The following USH2A variants were observed in gnomAD, a reference collection of about 807,000 sequenced individuals.
The protein encoded by USH2A is Usher syndrome 2A (autosomal recessive, mild).
USH2A carries 443 observed loss-of-function variants against 538.9 expected under a neutral mutation model. That is an observed-to-expected ratio of 0.82 (90% CI 0.76 to 0.89). The LOEUF (loss-of-function observed/expected upper bound fraction) is 0.89, where lower values mean the gene tolerates loss of function less well. USH2A is among the 40% of genes least tolerant of loss of function. The pLI, the probability that USH2A is intolerant of heterozygous loss-of-function variation, is 0.00. For synonymous variants in USH2A, 2,413 were observed against 2,273.5 expected (o/e 1.06, Z -1.75); for missense variants, 6,633 against 6,324.8 (o/e 1.05, Z -1.65).
At chr1:215,852,132 T>A (rs1664034789) in intron 44 of USH2A, among the ~76,000 whole-genome samples, 2 of 152,156 alleles carry the variant, frequency 1.3e-5, no homozygotes, top group African/African-American at 4.8e-5. Flanking sequence ...ATGCTGCTGA[T>A]AGAGACATAC....
chr1:216,274,334 T>C (rs906405575), intron 11 of USH2A, among the ~76,000 whole-genome samples: 3 of 152,122 alleles, frequency 2.0e-5, no homozygotes, highest in Non-Finnish European at 2.9e-5. Context: ...AAAAGGCATT[T>C]ATGAAATATC....
intron 51 of USH2A, among the ~76,000 whole-genome samples, chr1:215,788,749 T>C (rs1032644461): frequency 4.6e-5 from 7 of 152,126 alleles, no homozygotes; most frequent in Non-Finnish European, 8.8e-5. Flanking sequence ...GCCTCAAAAT[T>C]CTGAGTAGAC....
Position 216,251,057 on chromosome 1 carries a change from C to G in USH2A, c.2013G>C (p.Arg671Ser). The G allele has an allele frequency of 6.2e-7, 1 of 1,614,020 alleles. No individual in the cohort carries two copies. The highest frequency in any genetic ancestry group is 8.5e-7 in the Non-Finnish European group (1 of 1,179,978). Residue 671 changes from arginine to serine, a missense_variant, in exon 12 of 72, where the codon AGG (arginine) becomes AGC (serine). By Grantham distance (110) the Arg-to-Ser change is moderately radical. Transcript: ENST00000307340. Reference protein sequence around the residue: ...QCNCKRHVSGRQCNQCQNGFY... With the variant: ...QCNCKRHVSGSQCNQCQNGFY... ...ATCCATTCTGGCACTGATTGCACTG[C>G]CTGCCAGACACGTGTCTCTTACAAT... is the stretch of plus-strand genomic sequence containing the variant.
chr1:215,656,249 C>A (rs1657248592), intron 64 of USH2A, among the ~76,000 whole-genome samples: 2 of 152,160 alleles, frequency 1.3e-5, no homozygotes, highest in African/African-American at 4.8e-5. Context: ...TATTGTCTTA[C>A]AGCAAAGCTA....
chr1:215,938,147 C>A (rs543834710), intron 37 of USH2A, among the ~76,000 whole-genome samples: 4 of 151,972 alleles, frequency 2.6e-5, no homozygotes, highest in Non-Finnish European at 5.9e-5. Flanking sequence ...AATTACATAA[C>A]CATTTTGCTC....
chr1:216,115,552 A>G (rs775769714), intron 21 of USH2A, among the ~76,000 whole-genome samples: 1 of 152,228 alleles, frequency 6.6e-6, no homozygotes, highest in African/African-American at 2.4e-5. Context: ...ATTAAAAAGT[A>G]CATTATAAAA....
intron 43 of USH2A, among the ~76,000 whole-genome samples, chr1:215,875,946 A>C (rs1378984324): frequency 6.8e-6 from 1 of 147,006 alleles, no homozygotes; most frequent in African/African-American, 2.5e-5. Flanking sequence ...TATAATTAAT[A>C]ATGTATATAA....
At chr1:216,299,818 A>G (rs1449272331) in intron 9 of USH2A, among the ~76,000 whole-genome samples, 1 of 152,186 alleles carries the variant, frequency 6.6e-6, no homozygotes, top group Non-Finnish European at 1.5e-5. Flanking sequence ...TAAAAAATAT[A>G]CATTTTTTCC....
intron 64 of USH2A, 51 bp from the exon 65 acceptor site, chr1:215,650,852 G>GTA: frequency 1.0e-5 from 15 of 1,470,822 alleles, no homozygotes; most frequent in South Asian, 6.8e-5. Flanking sequence ...CCTAAGGCTG[G>GTA]GAAAAAAAAA....
chr1:216,116,116 T>G (rs2033002301), intron 21 of USH2A, among the ~76,000 whole-genome samples: 1 of 151,742 alleles, frequency 6.6e-6, no homozygotes. Context: ...AATAATAACT[T>G]TTTACGTATA....
intron 61 of USH2A, among the ~76,000 whole-genome samples, chr1:215,723,839 C>A (rs187408832): frequency 6.6e-6 from 1 of 152,084 alleles, no homozygotes; most frequent in Non-Finnish European, 1.5e-5. Context: ...TCTTCTACAA[C>A]CCCTATAGAG....
At chr1:215,901,789 T>A (rs966428618) in intron 38 of USH2A, among the ~76,000 whole-genome samples, 1 of 152,196 alleles carries the variant, frequency 6.6e-6, no homozygotes, top group African/African-American at 2.4e-5. Flanking sequence ...ATAACTCAAA[T>A]GAGCCTGTCA....
intron 32 of USH2A, among the ~76,000 whole-genome samples, chr1:216,030,358 T>C (rs919206960): frequency 7.5e-6 from 1 of 133,094 alleles, no homozygotes; most frequent in African/African-American, 2.9e-5. Context: ...ACATCACAGA[T>C]ATATAATATA....
rs77297318 is a variant in USH2A, at chr1:215,795,582, A to T, written c.9958+3325T>A. Among the ~76,000 whole-genome samples the T allele has an allele frequency of 6.7e-3, 1,019 of 152,342 alleles. 9 individuals are homozygous for T. The highest frequency in any genetic ancestry group is 0.014 in the Middle Eastern group (4 of 294). On this transcript the variant is annotated intron_variant, in intron 50 of 71. Coordinates refer to ENST00000307340, the MANE Select transcript of USH2A (RefSeq NM_206933.4). The stretch of plus-strand genomic sequence containing the variant: ...TTTAAAAAGCTACAGATGAACAAAC[A>T]CACTAAAATCAAATATTTTGCTGTC...
At chr1:216,271,670 C>G (rs1361414714) in intron 11 of USH2A, among the ~76,000 whole-genome samples, 1 of 151,986 alleles carries the variant, frequency 6.6e-6, no homozygotes, top group East Asian at 1.9e-4. Context: ...ATGCCCTTTT[C>G]AGTTTGAGGA....
At chr1:215,881,544 A>T (rs1264530489) in intron 41 of USH2A, among the ~76,000 whole-genome samples, 1 of 152,212 alleles carries the variant, frequency 6.6e-6, no homozygotes, top group Non-Finnish European at 1.5e-5. Context: ...AATATATGAG[A>T]TTAAAACTTT....
intron 37 of USH2A, among the ~76,000 whole-genome samples, chr1:215,952,176 T>C (rs1320728759): frequency 1.3e-5 from 2 of 152,238 alleles, no homozygotes; most frequent in Non-Finnish European, 2.9e-5. Flanking sequence ...GTTTAAAGTC[T>C]GTTTTATCAG....
intron 36 of USH2A, among the ~76,000 whole-genome samples, chr1:215,968,444 T>C (rs958777369): frequency 6.6e-6 from 1 of 151,834 alleles, no homozygotes; most frequent in Non-Finnish European, 1.5e-5. Context: ...CTGGTCAGAT[T>C]AGAAAAAAAA....
At chr1:215,831,982 A>G (rs577904494) in intron 47 of USH2A, among the ~76,000 whole-genome samples, 1 of 152,142 alleles carries the variant, frequency 6.6e-6, no homozygotes, top group African/African-American at 2.4e-5. Flanking sequence ...CAATTGCAAC[A>G]AATTGTTGTT....
Sources: allele counts gnomAD v4.1 joint callset (sites outside exome capture counted in the v4.1 genomes callset), GRCh38; gene constraint gnomAD v4.1.1; transcripts MANE v1.5; gene names NCBI Gene and HGNC (gene_info 2026-07-23, HGNC 2026-07-21).